Variants in NPLOC4 observed in about 807,000 individuals in gnomAD.
NPLOC4 encodes the protein nuclear protein localization protein 4 homolog.
Under a neutral mutation model 80.6 loss-of-function variants are expected in NPLOC4, and 18 were observed. That is an observed-to-expected ratio of 0.22 (90% CI 0.15 to 0.33). The LOEUF is 0.33. Among genes scored for constraint, NPLOC4 ranks in the 10% least tolerant of loss-of-function variants. NPLOC4 has a pLI of 1.00. For missense variants in NPLOC4, 540 were observed against 786.1 expected (o/e 0.69, Z 3.74); for synonymous variants, 313 against 301.5 (o/e 1.04, Z -0.39).
chr17:81,599,774 C>G (rs2035016047), intron 9 of NPLOC4, among the ~76,000 whole-genome samples: 1 of 152,144 alleles, frequency 6.6e-6, no homozygotes. Context: ...AAAAGGAAAT[C>G]CTTTTCTCAT....
intron 16 of NPLOC4, 37 bp downstream of exon 16, chr17:81,565,468 G>C (rs965543379): frequency 2.3e-5 from 34 of 1,503,512 alleles, no homozygotes; most frequent in Admixed American, 1.4e-4. Context: ...TCCGGCCCCA[G>C]CCACGGGGTG....
intron 7 of NPLOC4, 129 bp downstream of exon 7, chr17:81,606,562 T>A: frequency 1.1e-6 from 1 of 951,326 alleles, no homozygotes; most frequent in Non-Finnish European, 1.5e-6. Context: ...AAAGGATCAT[T>A]CAGTCCATCA....
chr17:81,613,017 G>C (rs1334212784), intron 4 of NPLOC4: 1 of 263,158 alleles, frequency 3.8e-6, no homozygotes, highest in Admixed American at 5.2e-5. Context: ...TCACAGTAAA[G>C]ACTTGGTGTG....
rs866119263 is a variant in NPLOC4, at chr17:81,585,804, T to G, written c.1281+3140A>C. Among the ~76,000 whole-genome samples the G allele has an allele frequency of 2.6e-5, 4 of 151,048 alleles. No homozygotes were observed. The East Asian group carries it at 5.9e-4, about 22-fold the overall frequency. ...GAGTTCAAGACCAGCCTGGGCAACA[T>G]GGTGAAATCCTGATTCTACTAAAAA... is the stretch of plus-strand genomic sequence containing the variant. On this transcript the variant is annotated intron_variant, in intron 12 of 16. Coordinates refer to ENST00000331134, the MANE Select transcript of NPLOC4 (RefSeq NM_017921.4).
At chr17:81,611,046 G>A (rs931013909) in intron 4 of NPLOC4, among the ~76,000 whole-genome samples, 1 of 152,022 alleles carries the variant, frequency 6.6e-6, no homozygotes, top group Non-Finnish European at 1.5e-5. Context: ...TTGGCCAAAG[G>A]CAGTGGCTCA....
chr17:81,590,939 C>A (rs1423268533), intron 11 of NPLOC4, among the ~76,000 whole-genome samples: 3 of 152,168 alleles, frequency 2.0e-5, no homozygotes, highest in Admixed American at 6.5e-5. Flanking sequence ...TTTCTCCCTG[C>A]CCCAAACTCA....
intron 2 of NPLOC4, among the ~76,000 whole-genome samples, chr17:81,627,691 A>G (rs534292754): frequency 1.3e-5 from 2 of 151,914 alleles, no homozygotes; most frequent in South Asian, 4.2e-4. Flanking sequence ...TTGCTTGAAC[A>G]CAGGAGGCAG....
chr17:81,561,598 A>T (rs2033851886), intron 16 of NPLOC4, among the ~76,000 whole-genome samples: 1 of 151,992 alleles, frequency 6.6e-6, no homozygotes, highest in Non-Finnish European at 1.5e-5. Flanking sequence ...TACAGTTTTT[A>T]TTTTTTTAAG....
At chr17:81,617,067 G>A (rs925993174) in intron 3 of NPLOC4, among the ~76,000 whole-genome samples, 1 of 152,160 alleles carries the variant, frequency 6.6e-6, no homozygotes, top group African/African-American at 2.4e-5. Context: ...GGGGCAGACA[G>A]ATGCCAACAG....
intron 2 of NPLOC4, among the ~76,000 whole-genome samples, chr17:81,627,249 G>A (rs890200165): frequency 9.9e-5 from 15 of 151,638 alleles, no homozygotes; most frequent in South Asian, 8.3e-4. Context: ...AACATTAGCC[G>A]GGCATGGTGG....
chr17:81,631,446 T>TATATATATATACA (rs1568171014), intron 1 of NPLOC4, among the ~76,000 whole-genome samples: 1 of 70,512 alleles, frequency 1.4e-5, no homozygotes, highest in African/African-American at 5.4e-5. Context: ...ATTTTTTTTT[T>TATATATATATACA]TTTTTTTTTT....
rs1236002795 is a variant in NPLOC4 at position 81,565,163 on chromosome 17, G to A, written c.1669+342C>T. The A allele has an allele frequency of 1.8e-5, 11 of 601,262 alleles. No individual in the cohort carries two copies. The African/African-American group carries it at 2.0e-4, about 11-fold the overall frequency. 37.2% of individuals were successfully genotyped at this position (601,262 alleles called of 1,614,324 possible). A position where few individuals can be genotyped will look rare whatever the true frequency, so the allele number is the denominator to read the frequency against. On this transcript the variant is annotated intron_variant, in intron 16 of 16. Transcript: ENST00000331134. ...TCTCAAGGAGACCAAAAGGTCCCAC[G>A]CTTCCGGCGCTTCCATAAAGTTTCT...
intron 4 of NPLOC4, 21 bp from the exon 5 acceptor site, chr17:81,610,279 A>C (rs1428758354): frequency 1.2e-5 from 18 of 1,560,864 alleles, no homozygotes; most frequent in Non-Finnish European, 1.6e-5. Flanking sequence ...TACAAGGCAG[A>C]AAAAGGCAGA....
At chr17:81,634,253 G>C (rs62074744) in intron 1 of NPLOC4, among the ~76,000 whole-genome samples, 1 of 151,882 alleles carries the variant, frequency 6.6e-6, no homozygotes, top group African/African-American at 2.4e-5. Context: ...CACCTGCCTC[G>C]GCCTCTCAAA....
At chr17:81,585,411 C>T (rs1249749451) in intron 12 of NPLOC4, among the ~76,000 whole-genome samples, 1 of 152,060 alleles carries the variant, frequency 6.6e-6, no homozygotes, top group African/African-American at 2.4e-5. Flanking sequence ...CGCCTGTAAT[C>T]CCAGCACTTA....
intron 3 of NPLOC4, among the ~76,000 whole-genome samples, chr17:81,616,489 G>A (rs373130883): frequency 1.3e-5 from 2 of 151,976 alleles, no homozygotes; most frequent in Non-Finnish European, 2.9e-5. Context: ...CCAGCACGTT[G>A]GGAGGCCGAG....
At chr17:81,562,163 T>C (rs1329544275) in intron 16 of NPLOC4, 1 of 152,154 alleles carries the variant, frequency 6.6e-6, no homozygotes, top group Non-Finnish European at 1.5e-5. Context: ...ACCCAGGACG[T>C]GGAGGTTGCA....
chr17:81,613,507 T>G lies in NPLOC4; in HGVS notation c.210-13A>C. The G allele has an allele frequency of 1.2e-6, 2 of 1,608,134 alleles. No homozygotes were observed. Among genetic ancestry groups the G allele is most frequent in the South Asian group, 2.2e-5 (2 of 90,090 alleles). ...CAAATCGCCATGCCTGTTCAAATGA[T>G]AAACAGAGGCTGATGCCTTCCCTTA... is the stretch of plus-strand genomic sequence containing the variant. On this transcript the variant is annotated splice_polypyrimidine_tract_variant and intron_variant, in intron 3 of 16. Coordinates refer to ENST00000331134, the MANE Select transcript of NPLOC4 (RefSeq NM_017921.4).
Position 81,567,577 on chromosome 17 carries a change from A to G in NPLOC4, c.1450-44T>C, listed in dbSNP as rs755153960. The G allele has an allele frequency of 4.2e-6, 5 of 1,203,538 alleles. No individual in the cohort carries two copies. Among genetic ancestry groups the G allele is most frequent in the Non-Finnish European group, 4.9e-6 (4 of 820,602 alleles). 74.6% of individuals were successfully genotyped at this position (1,203,538 alleles called of 1,614,324 possible). ...ACATGAATGTTCCATACAGTTCCCCAGTGCCAGACCCCGAAACAGAGCTGT... is the reference window on the plus strand; with the variant it reads ...ACATGAATGTTCCATACAGTTCCCCGGTGCCAGACCCCGAAACAGAGCTGT... On this transcript the variant is annotated intron_variant, in intron 14 of 16. Transcript: ENST00000331134. This position sits in a 1 kb window ranked among gnomAD's most constrained non-coding sequence, Gnocchi z 4.5.
Sources: gnomAD v4.1 joint callset for allele counts (sites outside exome capture counted in the v4.1 genomes callset) on GRCh38, gnomAD v4.1.1 for gene constraint, Gnocchi (gnomAD v3.1) non-coding constraint, MANE v1.5 for transcripts, NCBI Gene and HGNC (gene_info 2026-07-23, HGNC 2026-07-21) for gene names.